SLC29A1: variants seen among roughly 807,000 people sequenced by gnomAD.
The protein encoded by SLC29A1 is solute carrier family 29 member 1 (Augustine blood group), also known as equilibrative nucleoside transporter 1.
A neutral mutation model predicts 48.3 loss-of-function variants in SLC29A1; 22 were observed. The ratio of observed to expected loss-of-function variants is 0.46; its 90% confidence interval spans 0.33 to 0.65. The LOEUF (loss-of-function observed/expected upper bound fraction) is 0.65, where lower values mean the gene tolerates loss of function less well. Ranked by LOEUF, SLC29A1 falls within the 30% of genes least tolerant of loss-of-function variation. SLC29A1 has a pLI of 0.03. For synonymous variants in SLC29A1, 228 were observed against 231.0 expected (o/e 0.99, Z 0.12); for missense variants, 491 against 575.3 (o/e 0.85, Z 1.50).
chr6:44,225,621 C>T (rs936293571), intron 1 of SLC29A1: 8 of 152,306 alleles, frequency 5.3e-5, no homozygotes, highest in South Asian at 4.1e-4. Flanking sequence ...TTATTCACCC[C>T]TCGTGCCTAG....
intron 2 of SLC29A1, among the ~76,000 whole-genome samples, chr6:44,228,697 G>T (rs564869483): frequency 1.3e-5 from 2 of 152,374 alleles, no homozygotes; most frequent in African/African-American, 4.8e-5. Flanking sequence ...GGGCCTTGAG[G>T]TATAGGGCTT....
chr6:44,230,333 C>A lies in SLC29A1; in HGVS notation c.455-14C>A. On this transcript the variant is annotated splice_polypyrimidine_tract_variant and intron_variant, in intron 5 of 12. Coordinates refer to ENST00000371755, the MANE Select transcript of SLC29A1 (RefSeq NM_001372327.1). Reference sequence around the variant, plus strand: ...GCCCTAGCTCCCCTGCTCATGCCCGCCCTGTTTCCCCAGCATTTGGTGCCA... The same window carrying A: ...GCCCTAGCTCCCCTGCTCATGCCCGACCTGTTTCCCCAGCATTTGGTGCCA... The A allele has an allele frequency of 6.2e-7, 1 of 1,607,454 alleles. No homozygotes were observed. The highest frequency in any genetic ancestry group is 8.5e-7 in the Non-Finnish European group (1 of 1,175,148).
At chr6:44,225,519 AAAAAAG>A (rs1349873679) in intron 1 of SLC29A1, among the ~76,000 whole-genome samples, 1 of 151,904 alleles carries the variant, frequency 6.6e-6, no homozygotes, top group Non-Finnish European at 1.5e-5. Flanking sequence ...AAAAAAAAAA[AAAAAAG>A]AAAAAATCTG....
chr6:44,227,297 C>A lies in SLC29A1; in HGVS notation c.-17C>A, dbSNP rs924712889. On this transcript the variant is annotated 5_prime_UTR_variant, in exon 2 of 13. Coordinates refer to ENST00000371755, the MANE Select transcript of SLC29A1 (RefSeq NM_001372327.1). ...GGAGGGAGCTGTCAGCCAGGGAAAA[C>A]CGAGAACACCATCACCATGACAACC... is the stretch of plus-strand genomic sequence containing the variant. 6.2e-7 allele frequency: 1 copy of A among 1,614,084 alleles called. No individual in the cohort carries two copies. Among genetic ancestry groups the A allele is most frequent in the South Asian group, 1.1e-5 (1 of 91,074 alleles).
chr6:44,227,028 G>T, intron 1 of SLC29A1: 1 of 1,292,240 alleles, frequency 7.7e-7, no homozygotes, highest in Non-Finnish European at 9.8e-7. Flanking sequence ...CAGCGGCCAG[G>T]CCGGGAGCCA....
chr6:44,224,260 G>A (rs959562559), intron 1 of SLC29A1, among the ~76,000 whole-genome samples: 10 of 151,728 alleles, frequency 6.6e-5, no homozygotes, highest in Non-Finnish European at 1.2e-4. Flanking sequence ...CACACCTCTA[G>A]GGGTCTCTCT....
chr6:44,230,741 A>G, intron 7 of SLC29A1, 70 bp from the exon 8 acceptor site: 1 of 1,580,462 alleles, frequency 6.3e-7, no homozygotes, highest in Non-Finnish European at 8.7e-7. Flanking sequence ...TGAGGACAAA[A>G]CCTGAAGGAG....
At chr6:44,224,887 C>T (rs988665206) in intron 1 of SLC29A1, among the ~76,000 whole-genome samples, 1 of 152,158 alleles carries the variant, frequency 6.6e-6, no homozygotes, top group African/African-American at 2.4e-5. Context: ...AAAAGCAAAA[C>T]ACGAAGGCTG....
chr6:44,223,916 C>T lies in SLC29A1; in HGVS notation c.-52+275C>T. On this transcript the variant is annotated intron_variant, in intron 1 of 12. Transcript: ENST00000371755. This position sits in a 1 kb window ranked among gnomAD's most constrained non-coding sequence, Gnocchi z 5.0. ...CAGGCTGCGGTCACGTTGACCTCCG[C>T]AAGGGGCAGGCGAGTGGACGGGTGA... 1 of 993,996 alleles carries T rather than the reference C, an allele frequency of 1.0e-6. No individual in the cohort carries two copies. The highest frequency in any genetic ancestry group is 1.2e-6 in the Non-Finnish European group (1 of 835,718). 61.6% of individuals were successfully genotyped at this position (993,996 alleles called of 1,614,324 possible).
chr6:44,233,546 G>A lies in SLC29A1; in HGVS notation c.*18G>A. 6.3e-7 allele frequency: 1 copy of A among 1,584,488 alleles called. No individual in the cohort carries two copies. The highest frequency in any genetic ancestry group is 8.7e-7 in the Non-Finnish European group (1 of 1,152,996). On this transcript the variant is annotated 3_prime_UTR_variant, in exon 13 of 13. Transcript: ENST00000371755. Reference sequence around the variant, plus strand: ...TTGTGTGACAAAGGATGGACAGAAGGACTGCCTGCCTCCCTCCCTGTCTGC... The same window carrying A: ...TTGTGTGACAAAGGATGGACAGAAGAACTGCCTGCCTCCCTCCCTGTCTGC...
rs1427234962 is a variant in SLC29A1 at position 44,230,007 on chromosome 6, T to C, written c.415T>C (p.Phe139Leu). ...GAAGGTGCAGCTGGATGCTCTGCCC[T>C]TCTTTGTCATCACCATGATCAAGAT... ...LVKVQLDALP[F>L]FVITMIKIVL... Residue 139 changes from phenylalanine to leucine, a missense_variant, in exon 5 of 13, where the codon TTC becomes CTC. Transcript: ENST00000371755. 1.2e-6 allele frequency: 2 copies of C among 1,611,204 alleles called. No individual in the cohort carries two copies. The highest frequency in any genetic ancestry group is 1.7e-5 in the Admixed American group (1 of 60,036).
In SLC29A1 at chr6:44,230,462, C is replaced by T. The variant is rs1387361716; in HGVS notation, c.570C>T (p.Ala190=). The change falls in exon 6 of 13, where the codon GCC becomes GCT. Residue 190 remains alanine (A), a synonymous_variant. Transcript: ENST00000371755. ...QGLAGFFASV[A]MICAIASGSE... is the part of the protein sequence containing the mutation. Reference sequence around the variant, plus strand: ...TAGCAGGCTTCTTTGCCTCCGTGGCCATGATCTGCGCTATTGCCAGTAAGT... The same window carrying T: ...TAGCAGGCTTCTTTGCCTCCGTGGCTATGATCTGCGCTATTGCCAGTAAGT... The T allele has an allele frequency of 6.2e-7, 1 of 1,613,810 alleles. No individual in the cohort carries two copies. Among genetic ancestry groups the T allele is most frequent in the East Asian group, 2.2e-5 (1 of 44,888 alleles).
chr6:44,229,973 C>T lies in SLC29A1; in HGVS notation c.381C>T (p.Ala127=). 1 of 1,613,138 alleles carries T rather than the reference C, an allele frequency of 6.2e-7. No individual in the cohort carries two copies. The highest frequency in any genetic ancestry group is 1.1e-5 in the South Asian group (1 of 91,086). ...TCCTGCTGGTGTTTCTGATCACTGCCATCCTGGTGAAGGTGCAGCTGGATG... is the reference window on the plus strand; with the variant it reads ...TCCTGCTGGTGTTTCTGATCACTGCTATCCTGGTGAAGGTGCAGCTGGATG... ...VAILLVFLIT[A]ILVKVQLDAL... The change falls in exon 5 of 13, where the codon GCC becomes GCT. Residue 127 remains alanine, a synonymous_variant. Coordinates refer to ENST00000371755, the MANE Select transcript of SLC29A1 (RefSeq NM_001372327.1). The surrounding 1 kb of genome is among the most constrained non-coding windows in gnomAD (Gnocchi z 5.1).
rs773089467 is a variant in SLC29A1, at chr6:44,230,069, C to A, written c.454+23C>A. ...ATTGTAAGCTGGGCCAGGAGGGGGC[C>A]TATGGGAGGAGGCATGCCCAACTAC... On this transcript the variant is annotated intron_variant, in intron 5 of 12. Transcript: ENST00000371755. 10 of 1,602,536 alleles carry A rather than the reference C, an allele frequency of 6.2e-6. No homozygotes were observed. The South Asian group carries it at 1.1e-4, about 18-fold the overall frequency.
upstream of SLC29A1, chr6:44,219,645 A>G (rs1028991187): frequency 7.0e-5 from 85 of 1,220,912 alleles, 1 homozygote; most frequent in Non-Finnish European, 1.5e-5. Flanking sequence ...CACACCGGTC[A>G]GGCCCGGCGC....
chr6:44,219,689 G>A (rs928855176), upstream of SLC29A1: 5 of 1,287,972 alleles, frequency 3.9e-6, no homozygotes, highest in African/African-American at 1.5e-5. Flanking sequence ...TATGGCCCCA[G>A]CCCCGAGATG....
At chr6:44,221,704 G>A (rs754455139), upstream of SLC29A1, 1 of 1,251,316 alleles carries the variant, frequency 8.0e-7, no homozygotes, top group South Asian at 1.2e-5. The surrounding 1 kb of genome is among the most constrained non-coding windows in gnomAD (Gnocchi z 4.2). Flanking sequence ...GGGCTCCCAG[G>A]CTGTCCAGCA....
At position 44,229,449 on chromosome 6, in the gene SLC29A1, A is replaced by G. The variant is rs1778335303; in HGVS notation, c.89A>G (p.Asn30Ser). 2 of 1,613,978 alleles carry G rather than the reference A, an allele frequency of 1.2e-6. No individual in the cohort carries two copies. The highest frequency in any genetic ancestry group is 1.3e-5 in the African/African-American group (1 of 74,966). The part of the protein sequence containing the change: ...MLGLGTLLPW[N>S]FFMTATQYFT... The stretch of plus-strand genomic sequence containing the variant: ...GGTCTGGGAACGCTGCTCCCGTGGA[A>G]TTTTTTCATGACGGCCACTCAGGTG... The change falls in exon 3 of 13, where the codon AAT becomes AGT. Residue 30 changes from asparagine to serine, a missense_variant. Coordinates refer to ENST00000371755, the MANE Select transcript of SLC29A1 (RefSeq NM_001372327.1). This position sits in a 1 kb window ranked among gnomAD's most constrained non-coding sequence, Gnocchi z 5.1.
At chr6:44,230,540 C>CT (rs749797188) in intron 6 of SLC29A1, 28 bp from the exon 7 acceptor site, 1 of 1,614,008 alleles carries the variant, frequency 6.2e-7, no homozygotes, top group African/African-American at 1.3e-5. Context: ...GGGATGGGGC[C>CT]TGTCTCTGAT....
Sources: allele counts gnomAD v4.1 joint callset (sites outside exome capture counted in the v4.1 genomes callset), GRCh38; gene constraint gnomAD v4.1.1; non-coding constraint Gnocchi (gnomAD v3.1); transcripts MANE v1.5; gene names NCBI Gene and HGNC (gene_info 2026-07-23, HGNC 2026-07-21).